Variants in KPNA1 observed in about 807,000 individuals in gnomAD.
KPNA1 encodes the protein importin subunit alpha-5.
In KPNA1, 10 loss-of-function variants were observed where a neutral mutation model predicts 70.5. The observed-to-expected ratio is 0.14, with a 90% CI of 0.09 to 0.24. The LOEUF (loss-of-function observed/expected upper bound fraction) is 0.24, where lower values mean the gene tolerates loss of function less well. KPNA1 is among the 10% of genes least tolerant of loss of function. KPNA1 has a pLI of 1.00. For missense variants in KPNA1, 397 were observed against 637.9 expected (o/e 0.62, Z 4.07); for synonymous variants, 192 against 221.9 (o/e 0.87, Z 1.20).
At chr3:122,440,002 T>A (rs995991479) in intron 10 of KPNA1, among the ~76,000 whole-genome samples, 4 of 152,194 alleles carry the variant, frequency 2.6e-5, no homozygotes, top group African/African-American at 9.6e-5. Context: ...AGCAGAAATA[T>A]GTAAGAAACT....
chr3:122,493,329 T>A, intron 2 of KPNA1, among the ~76,000 whole-genome samples: 1 of 148,264 alleles, frequency 6.7e-6, no homozygotes. Flanking sequence ...TCAGAAATAC[T>A]ACCCCACAAT....
chr3:122,504,905 G>A (rs531310025), intron 1 of KPNA1, among the ~76,000 whole-genome samples: 1 of 151,898 alleles, frequency 6.6e-6, no homozygotes, highest in Non-Finnish European at 1.5e-5. Flanking sequence ...TCTGTTGGGA[G>A]AGACTCTTTT....
intron 11 of KPNA1, among the ~76,000 whole-genome samples, chr3:122,434,829 A>AG (rs2075963850): frequency 1.3e-5 from 2 of 152,356 alleles, no homozygotes; most frequent in African/African-American, 4.8e-5. Context: ...TAAGAAACTG[A>AG]GAAGTTCTGC....
rs1354730258 is a variant in KPNA1, at chr3:122,496,664, A to T, written c.-5-94T>A. 3 of 1,168,970 alleles carry T rather than the reference A, an allele frequency of 2.6e-6. No individual in the cohort carries two copies. The East Asian group carries it at 7.3e-5, about 28-fold the overall frequency. The allele number at this position is 1,168,970 out of a possible 1,614,324, so 72.4% of individuals were successfully genotyped here. ...CTTTTAAACATATACATGCCCAGAC[A>T]TATCCCAAAGGGACATCAGAAATGG... On this transcript the variant is annotated intron_variant, in intron 1 of 13. Transcript: ENST00000344337.
In KPNA1 at chr3:122,427,144, ACT is replaced by A; in HGVS notation, c.1456_1457del (p.His487Ter). The A allele has an allele frequency of 6.2e-7, 1 of 1,613,882 alleles. No individual in the cohort carries two copies. Among genetic ancestry groups the A allele is most frequent in the Non-Finnish European group, 8.5e-7 (1 of 1,179,872 alleles). ...TTTGGTAGATCTCCTGGTTTTCATG[ACT>A]CTGTAAGAACTCAATTTTATCCAGA... ...YGLDKIEFLQSHENQEIYQKA... is the reference protein window; with the variant it reads ...YGLDKIEFLQXHENQEIYQKA... On this transcript the variant is annotated frameshift_variant, in exon 14 of 14. Coordinates refer to ENST00000344337, the MANE Select transcript of KPNA1 (RefSeq NM_002264.4). LOFTEE classifies it high-confidence loss of function.
At chr3:122,496,027 T>C (rs1469657856) in intron 2 of KPNA1, among the ~76,000 whole-genome samples, 3 of 152,232 alleles carry the variant, frequency 2.0e-5, no homozygotes, top group African/African-American at 7.2e-5. Context: ...GGTTTATTCT[T>C]TCTTTTTGTG....
chr3:122,465,932 C>T (rs2076375371), intron 3 of KPNA1, among the ~76,000 whole-genome samples: 2 of 152,220 alleles, frequency 1.3e-5, no homozygotes, highest in African/African-American at 4.8e-5. Context: ...CTCCCAAAGA[C>T]ACGAGCCACT....
intron 2 of KPNA1, among the ~76,000 whole-genome samples, chr3:122,486,762 A>G (rs1446664247): frequency 2.6e-5 from 4 of 151,926 alleles, no homozygotes; most frequent in African/African-American, 9.7e-5. Context: ...AATTTTTTAT[A>G]TTTTTAGTAG....
At chr3:122,453,512 GGTTT>G (rs945704684) in intron 6 of KPNA1, among the ~76,000 whole-genome samples, 4 of 140,502 alleles carry the variant, frequency 2.8e-5, no homozygotes, top group African/African-American at 1.0e-4. Context: ...GAAATTTTGT[GGTTT>G]TTTTTGTTTT....
At chr3:122,466,483 G>A (rs935688257) in intron 3 of KPNA1, among the ~76,000 whole-genome samples, 4 of 150,850 alleles carry the variant, frequency 2.7e-5, no homozygotes, top group African/African-American at 9.7e-5. Context: ...ATATATATAT[G>A]TACACATATA....
rs6773243 is a variant in KPNA1 at position 122,483,387 on chromosome 3, G to A, written c.129+13050C>T. 1.3e-4 allele frequency among the ~76,000 whole-genome samples: 20 copies of A among 151,844 alleles called. 1 individual carries two copies. The South Asian group carries it at 3.7e-3, about 28-fold the overall frequency. ...AAATTGGAGTTTCACTCTTGTTGCC[G>A]AGGCTGGAGTACAACGGTATGGTCT... is the stretch of plus-strand genomic sequence containing the variant. On this transcript the variant is annotated intron_variant, in intron 2 of 13. Coordinates refer to ENST00000344337, the MANE Select transcript of KPNA1 (RefSeq NM_002264.4).
chr3:122,487,944 A>G (rs571177855), intron 2 of KPNA1, among the ~76,000 whole-genome samples: 107 of 152,356 alleles, frequency 7.0e-4, no homozygotes, highest in Non-Finnish European at 7.8e-4. Flanking sequence ...GTTAAGAGAC[A>G]GCACCAAATA....
intron 2 of KPNA1, among the ~76,000 whole-genome samples, chr3:122,495,441 T>A (rs1243089280): frequency 6.6e-6 from 1 of 151,998 alleles, no homozygotes; most frequent in African/African-American, 2.4e-5. Flanking sequence ...CAATATAAAG[T>A]CTATTACAAT....
chr3:122,435,183 C>T (rs1007579233), intron 11 of KPNA1, among the ~76,000 whole-genome samples: 3 of 151,942 alleles, frequency 2.0e-5, no homozygotes, highest in Non-Finnish European at 4.4e-5. Flanking sequence ...TGCTTCAATA[C>T]ACACACACAA....
chr3:122,477,192 T>C (rs1230193107), intron 2 of KPNA1, among the ~76,000 whole-genome samples: 1 of 152,128 alleles, frequency 6.6e-6, no homozygotes, highest in African/African-American at 2.4e-5. Context: ...CACATAAGCA[T>C]CTCACTTTTA....
intron 5 of KPNA1, among the ~76,000 whole-genome samples, chr3:122,454,326 A>G (rs1316821053): frequency 6.6e-6 from 1 of 152,258 alleles, no homozygotes; most frequent in Non-Finnish European, 1.5e-5. Flanking sequence ...GTACATTAAT[A>G]TGGCATTATA....
intron 2 of KPNA1, among the ~76,000 whole-genome samples, chr3:122,469,867 T>C (rs1353964282): frequency 1.3e-5 from 2 of 152,214 alleles, no homozygotes; most frequent in African/African-American, 4.8e-5. Context: ...GTGAAATATT[T>C]GAAGTGTTGA....
chr3:122,455,468 CTA>C (rs1277206108), intron 5 of KPNA1, among the ~76,000 whole-genome samples: 1 of 152,152 alleles, frequency 6.6e-6, no homozygotes. Flanking sequence ...ATATTTATCT[CTA>C]TGATTAAATT....
chr3:122,449,634 T>A lies in KPNA1; in HGVS notation c.857A>T (p.Asn286Ile), dbSNP rs1336879899. Residue 286 changes from asparagine to isoleucine, a missense_variant, in exon 9 of 14, where the codon AAT becomes ATT. By Grantham distance (149) the Asn-to-Ile change is moderately radical. Coordinates refer to ENST00000344337, the MANE Select transcript of KPNA1 (RefSeq NM_002264.4). ...ATCGATGACCGCTTGAATTTTATCA[T>A]TGGGTCCATCTGATAGATATGAGAG... ...WALSYLSDGP[N>I]DKIQAVIDAG... The A allele has an allele frequency of 6.2e-7, 1 of 1,613,960 alleles. No homozygotes were observed. Among genetic ancestry groups the A allele is most frequent in the Non-Finnish European group, 8.5e-7 (1 of 1,179,902 alleles).
Sources: gnomAD v4.1 joint callset for allele counts (sites outside exome capture counted in the v4.1 genomes callset) on GRCh38, gnomAD v4.1.1 for gene constraint, MANE v1.5 for transcripts, NCBI Gene and HGNC (gene_info 2026-07-23, HGNC 2026-07-21) for gene names.